CNTNAP2: variants seen among roughly 807,000 people sequenced by gnomAD.
The protein encoded by CNTNAP2 is contactin-associated protein-like 2.
In CNTNAP2, 98 loss-of-function variants were observed where a neutral mutation model predicts 155.2. The ratio of observed to expected loss-of-function variants is 0.63; its 90% CI spans 0.54 to 0.75. The LOEUF (loss-of-function observed/expected upper bound fraction) is 0.75. Ranked by LOEUF, CNTNAP2 falls within the 30% of genes least tolerant of loss-of-function variation. CNTNAP2 has a pLI of 0.00. For missense variants in CNTNAP2, 1,727 were observed against 1,688.1 expected, an observed-to-expected ratio of 1.02 and a Z score of -0.40; for synonymous variants, 651 against 631.2, an observed-to-expected ratio of 1.03 and a Z score of -0.47.
At chr7:146,737,848 C>T (rs1031375971) in intron 1 of CNTNAP2, among the ~76,000 whole-genome samples, 1 of 151,976 alleles carries the variant, frequency 6.6e-6, no homozygotes, top group Non-Finnish European at 1.5e-5. Flanking sequence ...GAATTGTATT[C>T]TATTGTGTGT....
chr7:147,329,402 C>A (rs540698496), intron 9 of CNTNAP2, among the ~76,000 whole-genome samples: 3 of 151,856 alleles, frequency 2.0e-5, no homozygotes, highest in Non-Finnish European at 2.9e-5. Flanking sequence ...TATATACATT[C>A]TTATAATTTA....
intron 1 of CNTNAP2, among the ~76,000 whole-genome samples, chr7:146,721,079 A>ATTCTATATATATACTC (rs1801290857): frequency 2.2e-5 from 3 of 134,674 alleles, no homozygotes; most frequent in Non-Finnish European, 4.6e-5. Flanking sequence ...TATACTCTAT[A>ATTCTATATATATACTC]TATATACTGT....
At chr7:147,612,852 A>G (rs1354337972) in intron 12 of CNTNAP2, among the ~76,000 whole-genome samples, 1 of 152,058 alleles carries the variant, frequency 6.6e-6, no homozygotes, top group Non-Finnish European at 1.5e-5. Context: ...TTTGAAATTC[A>G]CTCATGTTTC....
intron 1 of CNTNAP2, among the ~76,000 whole-genome samples, chr7:146,764,605 C>T (rs779021347): frequency 6.6e-6 from 1 of 151,672 alleles, no homozygotes; most frequent in African/African-American, 2.4e-5. Context: ...ACTGATTCAT[C>T]TGTTATACCA....
At chr7:148,406,089 G>A (rs982733695) in intron 22 of CNTNAP2, among the ~76,000 whole-genome samples, 7 of 151,680 alleles carry the variant, frequency 4.6e-5, no homozygotes, top group African/African-American at 9.7e-5. Flanking sequence ...AAAATTAGCC[G>A]GGCATGTTGG....
intron 13 of CNTNAP2, among the ~76,000 whole-genome samples, chr7:147,840,131 T>C (rs766766873): frequency 6.6e-6 from 1 of 151,958 alleles, no homozygotes; most frequent in Non-Finnish European, 1.5e-5. Flanking sequence ...CATATGGTCA[T>C]AGAGCATGGA....
intron 12 of CNTNAP2, among the ~76,000 whole-genome samples, chr7:147,595,443 C>G (rs1398079728): frequency 6.6e-6 from 1 of 152,120 alleles, no homozygotes; most frequent in Non-Finnish European, 1.5e-5. Context: ...GTTACTCTAT[C>G]CAACATGTAA....
chr7:146,699,766 G>A (rs955578446), intron 1 of CNTNAP2, among the ~76,000 whole-genome samples: 6 of 151,918 alleles, frequency 3.9e-5, no homozygotes, highest in African/African-American at 1.2e-4. Context: ...TCAGGAATTC[G>A]AGACCAGCCT....
At chr7:147,554,503 T>C (rs1254891494) in intron 11 of CNTNAP2, among the ~76,000 whole-genome samples, 2 of 152,070 alleles carry the variant, frequency 1.3e-5, no homozygotes, top group African/African-American at 2.4e-5. Context: ...AATGTAGATA[T>C]ACTCTGGCTT....
intron 13 of CNTNAP2, among the ~76,000 whole-genome samples, chr7:147,820,547 G>C (rs1798345367): frequency 6.6e-6 from 1 of 151,908 alleles, no homozygotes; most frequent in African/African-American, 2.4e-5. Context: ...ATTTTTCTTT[G>C]TGGCTAGCAC....
chr7:146,735,357 C>A (rs1000355826), intron 1 of CNTNAP2, among the ~76,000 whole-genome samples: 1 of 152,112 alleles, frequency 6.6e-6, no homozygotes, highest in Non-Finnish European at 1.5e-5. Context: ...TCGAGACCAT[C>A]CTGGCTAACA....
intron 3 of CNTNAP2, among the ~76,000 whole-genome samples, chr7:146,905,861 T>G (rs904656793): frequency 6.6e-6 from 1 of 152,152 alleles, no homozygotes; most frequent in Non-Finnish European, 1.5e-5. Flanking sequence ...AGAAGATGGG[T>G]GATTTCTGGA....
chr7:147,065,494 C>A (rs974048462), intron 4 of CNTNAP2, among the ~76,000 whole-genome samples: 1 of 152,140 alleles, frequency 6.6e-6, no homozygotes, highest in Admixed American at 6.5e-5. Context: ...TATTTAAACA[C>A]CAGGTAAACA....
Position 148,012,924 on chromosome 7 carries a change from G to A in CNTNAP2, c.2383+34935G>A, listed in dbSNP as rs534541929. Among the ~76,000 whole-genome samples, 151 of 152,274 alleles carry A rather than the reference G, an allele frequency of 9.9e-4. 1 individual carries two copies. The highest frequency in any genetic ancestry group is 3.3e-3 in the Admixed American group (50 of 15,286). On this transcript the variant is annotated intron_variant, in intron 15 of 23. Coordinates refer to ENST00000361727, the MANE Select transcript of CNTNAP2 (RefSeq NM_014141.6). ...AGGTGGAGCTGCTGGTTAAGGGTGA[G>A]AGAAATTTTAATTTTCTAGCTTTCA... is the stretch of plus-strand genomic sequence containing the variant.
intron 1 of CNTNAP2, among the ~76,000 whole-genome samples, chr7:146,712,430 A>T (rs1391121009): frequency 6.8e-6 from 1 of 146,940 alleles, no homozygotes; most frequent in Non-Finnish European, 1.5e-5. Context: ...CTTGGTGCCA[A>T]AGCACAGAAG....
intron 3 of CNTNAP2, among the ~76,000 whole-genome samples, chr7:147,006,673 T>C (rs1798530743): frequency 6.6e-6 from 1 of 152,114 alleles, no homozygotes; most frequent in Non-Finnish European, 1.5e-5. Context: ...TTTTAAAGTG[T>C]GTGATAATAA....
At chr7:148,112,415 G>GTAGTATTATTATTATTAT (rs71527878) in intron 15 of CNTNAP2, among the ~76,000 whole-genome samples, 1 of 148,566 alleles carries the variant, frequency 6.7e-6, no homozygotes, top group Non-Finnish European at 1.5e-5. Flanking sequence ...CTAAATTTTA[G>GTAGTATTATTATTATTAT]TATTATTATT....
chr7:147,406,391 A>G (rs1309934730), intron 10 of CNTNAP2, among the ~76,000 whole-genome samples: 2 of 152,330 alleles, frequency 1.3e-5, no homozygotes, highest in East Asian at 3.9e-4. Context: ...TAAGCTGAAA[A>G]GAAGAGGAGT....
chr7:148,183,506 G>T (rs1482910093), intron 18 of CNTNAP2, among the ~76,000 whole-genome samples: 1 of 134,072 alleles, frequency 7.5e-6, no homozygotes, highest in Non-Finnish European at 1.5e-5. Context: ...TTTGAGACAG[G>T]CTTTGAGCTT....
Sources: allele counts gnomAD v4.1 joint callset (sites outside exome capture counted in the v4.1 genomes callset), GRCh38; gene constraint gnomAD v4.1.1; transcripts MANE v1.5; gene names NCBI Gene and HGNC (gene_info 2026-07-23, HGNC 2026-07-21).